SHISA9: variants seen among roughly 807,000 people sequenced by gnomAD.
SHISA9 encodes shisa family member 9.
Under a neutral mutation model 38.0 loss-of-function variants are expected in SHISA9, and 13 were observed. The observed-to-expected ratio is 0.34, with a 90% confidence interval of 0.22 to 0.54. The LOEUF (loss-of-function observed/expected upper bound fraction) is 0.54, where lower values mean the gene tolerates loss of function less well. Ranked by LOEUF, SHISA9 falls within the 20% of genes least tolerant of loss-of-function variation. The pLI is 0.91. For synonymous variants in SHISA9, 275 were observed against 242.0 expected, an observed-to-expected ratio of 1.14 and a Z score of -1.27; for missense variants, 538 against 575.8, an observed-to-expected ratio of 0.93 and a Z score of 0.67.
At chr16:13,000,921 G>A (rs1183860794) in intron 2 of SHISA9, among the ~76,000 whole-genome samples, 3 of 152,092 alleles carry the variant, frequency 2.0e-5, no homozygotes, top group Admixed American at 1.3e-4. Flanking sequence ...CTCATCTTGG[G>A]TTGCTTCTTT....
At chr16:13,521,763 C>T in the SHISA9 span, among the ~76,000 whole-genome samples, 3 of 152,166 alleles carry the variant, frequency 2.0e-5, no homozygotes, top group African/African-American at 4.8e-5. Flanking sequence ...ACGTGTGTTA[C>T]GTTCAATGCT....
the SHISA9 span, among the ~76,000 whole-genome samples, chr16:13,556,649 T>A: frequency 6.6e-6 from 1 of 151,558 alleles, no homozygotes; most frequent in South Asian, 2.1e-4. Flanking sequence ...GGCGACAGAG[T>A]GAGACTCTGT....
the SHISA9 span, among the ~76,000 whole-genome samples, chr16:13,550,022 CA>C: frequency 0.046 from 6,169 of 133,386 alleles, 367 homozygotes; most frequent in African/African-American, 0.14. Context: ...GACTGTGTCT[CA>C]AAAAAAAAAA....
At chr16:13,030,343 G>A (rs1170662713) in intron 2 of SHISA9, among the ~76,000 whole-genome samples, 2 of 152,252 alleles carry the variant, frequency 1.3e-5, no homozygotes, top group East Asian at 3.9e-4. Context: ...GCAGCCCCCA[G>A]CCAATGGTAG....
chr16:13,342,742 G>C, the SHISA9 span, among the ~76,000 whole-genome samples: 1 of 152,128 alleles, frequency 6.6e-6, no homozygotes, highest in Non-Finnish European at 1.5e-5. Flanking sequence ...ATTCTGATTA[G>C]ATTTCATGGT....
the SHISA9 span, among the ~76,000 whole-genome samples, chr16:13,313,267 A>AAACAAAAC: frequency 6.6e-6 from 1 of 151,616 alleles, no homozygotes. Flanking sequence ...AAAAAAAAAA[A>AAACAAAAC]AAAAACCCAG....
At chr16:13,282,253 T>A in the SHISA9 span, among the ~76,000 whole-genome samples, 1 of 151,984 alleles carries the variant, frequency 6.6e-6, no homozygotes, top group African/African-American at 2.4e-5. Context: ...TTTTGAAGGC[T>A]ATTTTTGCTG....
the SHISA9 span, among the ~76,000 whole-genome samples, chr16:13,493,518 C>T: frequency 5.9e-5 from 9 of 152,172 alleles, no homozygotes; most frequent in Non-Finnish European, 5.9e-5. Context: ...ACACACGGGG[C>T]TCTGATAGGT....
At chr16:13,036,897 A>G (rs1348773287) in intron 2 of SHISA9, among the ~76,000 whole-genome samples, 1 of 152,162 alleles carries the variant, frequency 6.6e-6, no homozygotes, top group African/African-American at 2.4e-5. Context: ...AATGCCTACT[A>G]CGTGCCAAAT....
intron 2 of SHISA9, among the ~76,000 whole-genome samples, chr16:13,167,067 T>C (rs966639459): frequency 2.3e-5 from 3 of 129,172 alleles, no homozygotes; most frequent in African/African-American, 6.1e-5. Context: ...CTCTCTCTCT[T>C]TTTTCTTTTT....
intron 2 of SHISA9, among the ~76,000 whole-genome samples, chr16:13,079,045 T>G (rs919870131): frequency 1.3e-5 from 2 of 152,206 alleles, no homozygotes; most frequent in Non-Finnish European, 2.9e-5. Flanking sequence ...ATTTAATCCC[T>G]CTGAGCTTTG....
chr16:13,372,053 C>T, the SHISA9 span, among the ~76,000 whole-genome samples: 1 of 152,244 alleles, frequency 6.6e-6, no homozygotes, highest in African/African-American at 2.4e-5. Flanking sequence ...AACTCAAACA[C>T]TGATCTTATT....
chr16:13,025,840 T>C (rs1485855892), intron 2 of SHISA9, among the ~76,000 whole-genome samples: 1 of 152,156 alleles, frequency 6.6e-6, no homozygotes, highest in Non-Finnish European at 1.5e-5. Flanking sequence ...AGTTTTCCTC[T>C]TGTTGCCCAT....
chr16:13,205,562 C>G (rs114332436), intron 3 of SHISA9, among the ~76,000 whole-genome samples: 1 of 152,172 alleles, frequency 6.6e-6, no homozygotes, highest in Admixed American at 6.5e-5. Flanking sequence ...TTTTTAAGGT[C>G]TCAGTCTTCT....
intron 2 of SHISA9, among the ~76,000 whole-genome samples, chr16:12,987,794 G>A (rs2141829294): frequency 6.6e-6 from 1 of 152,278 alleles, no homozygotes; most frequent in South Asian, 2.1e-4. Flanking sequence ...ATTTTGTTGA[G>A]TACTGGCTAG....
At chr16:13,201,963 C>A (rs1344119168) in intron 2 of SHISA9, among the ~76,000 whole-genome samples, 1 of 110,914 alleles carries the variant, frequency 9.0e-6, no homozygotes, top group East Asian at 2.2e-4. Context: ...CAGTGCATAC[C>A]TGGATGGACA....
Position 13,130,054 on chromosome 16 carries a change from T to C in SHISA9, c.692-73340T>C, listed in dbSNP as rs201133149. Among the ~76,000 whole-genome samples the C allele has an allele frequency of 1.1e-4, 16 of 152,264 alleles. No homozygotes were observed. The East Asian group carries it at 2.9e-3, about 28-fold the overall frequency. ...TGACCCTCACAATTTTCAAAGAACT[T>C]TCATGTATTGAAATTTCTTCCTCAA... On this transcript the variant is annotated intron_variant, in intron 2 of 4. Transcript: ENST00000558583.
chr16:13,019,953 T>C lies in SHISA9; in HGVS notation c.691+103138T>C, dbSNP rs1347194519. On this transcript the variant is annotated intron_variant, in intron 2 of 4. Coordinates refer to ENST00000558583, the MANE Select transcript of SHISA9 (RefSeq NM_001145204.3). ...TTTCTTTCTTTCTTTCTTTCTTTCTTTCTTTCCCTCCTTCTTTCCTTCCTT... is the reference window on the plus strand; with the variant it reads ...TTTCTTTCTTTCTTTCTTTCTTTCTCTCTTTCCCTCCTTCTTTCCTTCCTT... Among the ~76,000 whole-genome samples, 314 of 97,286 alleles carry C rather than the reference T, an allele frequency of 3.2e-3. 20 individuals carry two copies. The highest frequency in any genetic ancestry group is 5.3e-3 in the Admixed American group (45 of 8,434). The allele number at this position is 97,286 out of a possible 152,430, so 63.8% of individuals were successfully genotyped here.
At chr16:12,928,309 G>A (rs1327864409) in intron 2 of SHISA9, among the ~76,000 whole-genome samples, 1 of 63,124 alleles carries the variant, frequency 1.6e-5, no homozygotes, top group African/African-American at 7.9e-5. Context: ...GGGTGCAGAG[G>A]TTGGTTGTGT....
Sources: gnomAD v4.1 joint callset for allele counts (sites outside exome capture counted in the v4.1 genomes callset) on GRCh38, gnomAD v4.1.1 for gene constraint, MANE v1.5 for transcripts, NCBI Gene and HGNC (gene_info 2026-07-23, HGNC 2026-07-21) for gene names.